DOCK3: variants seen among roughly 807,000 people sequenced by gnomAD.
DOCK3 encodes the protein dedicator of cytokinesis 3.
Under a neutral mutation model 265.6 loss-of-function variants are expected in DOCK3, and 60 were observed. That is an observed-to-expected ratio of 0.23 (90% CI 0.18 to 0.28). DOCK3 has a LOEUF of 0.28. DOCK3 is among the 10% of genes least tolerant of loss of function. The probability of loss-of-function intolerance (pLI) is 1.00; values close to 1 mark genes in which losing one functional copy is unlikely to be tolerated. For synonymous variants in DOCK3, 881 were observed against 938.0 expected (o/e 0.94, Z 1.11); for missense variants, 1,981 against 2,594.3 (o/e 0.76, Z 5.14).
chr3:51,344,651 G>A (rs1287161813), intron 38 of DOCK3, among the ~76,000 whole-genome samples: 2 of 152,172 alleles, frequency 1.3e-5, no homozygotes, highest in Non-Finnish European at 2.9e-5. Flanking sequence ...TGCAGGAGCT[G>A]GTAGAAGTGA....
intron 12 of DOCK3, among the ~76,000 whole-genome samples, chr3:51,169,005 T>C (rs2086544159): frequency 6.6e-6 from 1 of 151,388 alleles, no homozygotes; most frequent in East Asian, 1.9e-4. Context: ...TCACTGATCA[T>C]TAGAGAAATG....
At chr3:50,864,782 A>G (rs77031559) in intron 3 of DOCK3, among the ~76,000 whole-genome samples, 5,825 of 151,982 alleles carry the variant, frequency 0.038, 155 homozygotes, top group Non-Finnish European at 0.06. Context: ...TGAGTTCTCT[A>G]TTCTGTTCTA....
chr3:51,209,502 T>C (rs1209957130), intron 13 of DOCK3, among the ~76,000 whole-genome samples: 1 of 152,236 alleles, frequency 6.6e-6, no homozygotes, highest in African/African-American at 2.4e-5. Flanking sequence ...AGAAGCATTA[T>C]TTAAAAGCCT....
At chr3:50,844,559 C>A (rs925708583) in intron 3 of DOCK3, among the ~76,000 whole-genome samples, 1 of 152,064 alleles carries the variant, frequency 6.6e-6, no homozygotes, top group Non-Finnish European at 1.5e-5. Context: ...AACAGTTCTT[C>A]CTATAAAAGT....
At chr3:51,298,660 G>A (rs1158817132) in intron 27 of DOCK3, among the ~76,000 whole-genome samples, 3 of 152,160 alleles carry the variant, frequency 2.0e-5, no homozygotes, top group African/African-American at 7.2e-5. Flanking sequence ...AGAACATACA[G>A]TATTTGGTTT....
At chr3:51,165,541 T>C (rs888082744) in intron 12 of DOCK3, among the ~76,000 whole-genome samples, 3 of 152,244 alleles carry the variant, frequency 2.0e-5, no homozygotes, top group East Asian at 1.9e-4. Context: ...CCAGAAGTTA[T>C]TTATCTTACA....
intron 2 of DOCK3, among the ~76,000 whole-genome samples, chr3:50,815,954 T>G (rs529358481): frequency 2.0e-5 from 3 of 152,196 alleles, no homozygotes; most frequent in African/African-American, 7.2e-5. Flanking sequence ...TACTTTTTTG[T>G]AAGGGTTAAA....
intron 1 of DOCK3, among the ~76,000 whole-genome samples, chr3:50,697,854 A>G (rs1443809406): frequency 6.6e-6 from 1 of 151,958 alleles, no homozygotes; most frequent in Non-Finnish European, 1.5e-5. Context: ...TTGTTGTGAT[A>G]ATTGATTATA....
At chr3:51,018,079 A>T (rs1304732948) in intron 5 of DOCK3, among the ~76,000 whole-genome samples, 1 of 151,178 alleles carries the variant, frequency 6.6e-6, no homozygotes, top group Non-Finnish European at 1.5e-5. Flanking sequence ...TTGAGTAGAG[A>T]TGGGGTTTCA....
chr3:51,101,380 A>C (rs1211686016), intron 9 of DOCK3, among the ~76,000 whole-genome samples: 1 of 151,542 alleles, frequency 6.6e-6, no homozygotes, highest in Non-Finnish European at 1.5e-5. Flanking sequence ...TCGGCCTCCC[A>C]AAGTTCTGGG....
intron 5 of DOCK3, among the ~76,000 whole-genome samples, chr3:51,044,383 A>C (rs2080671741): frequency 6.6e-6 from 1 of 152,172 alleles, no homozygotes; most frequent in Non-Finnish European, 1.5e-5. Context: ...AAATGATGAG[A>C]GCACATGGAC....
At chr3:50,747,959 T>C (rs2039559461) in intron 1 of DOCK3, among the ~76,000 whole-genome samples, 1 of 152,362 alleles carries the variant, frequency 6.6e-6, no homozygotes, top group East Asian at 1.9e-4. Flanking sequence ...TCTTGTAATG[T>C]ATGACACTGC....
rs527281119 is a variant in DOCK3, at chr3:50,906,731, G to A, written c.218+16650G>A. 3.6e-4 allele frequency among the ~76,000 whole-genome samples: 55 copies of A among 151,968 alleles called. 1 individual carries two copies. The highest frequency in any genetic ancestry group is 6.9e-4 in the Non-Finnish European group (47 of 67,964). ...TCCTGGCTTCATTGATTTTTTTGAA[G>A]GGTTTTTTTGTATCTCTATCTCCTT... On this transcript the variant is annotated intron_variant, in intron 4 of 52. Coordinates refer to ENST00000266037, the MANE Select transcript of DOCK3 (RefSeq NM_004947.5).
intron 12 of DOCK3, among the ~76,000 whole-genome samples, chr3:51,206,271 T>C (rs939957194): frequency 6.6e-6 from 1 of 152,246 alleles, no homozygotes; most frequent in African/African-American, 2.4e-5. Context: ...TTGGCAATTA[T>C]TCCATTTATT....
intron 22 of DOCK3, among the ~76,000 whole-genome samples, chr3:51,252,559 C>T (rs1002584389): frequency 1.3e-5 from 2 of 152,172 alleles, no homozygotes; most frequent in Admixed American, 6.5e-5. Context: ...TTGTAGTTCT[C>T]CTTGAAGAGG....
chr3:50,703,623 T>C (rs1159663250), intron 1 of DOCK3, among the ~76,000 whole-genome samples: 3 of 152,188 alleles, frequency 2.0e-5, no homozygotes, highest in Non-Finnish European at 2.9e-5. Flanking sequence ...CATATAGTTG[T>C]TCATAAGAGT....
intron 22 of DOCK3, among the ~76,000 whole-genome samples, chr3:51,259,805 A>G (rs988802587): frequency 6.6e-6 from 1 of 152,034 alleles, no homozygotes; most frequent in African/African-American, 2.4e-5. Flanking sequence ...TGACCCTTTT[A>G]TTTCCAGACC....
At chr3:51,109,778 C>G (rs1382392077) in intron 9 of DOCK3, among the ~76,000 whole-genome samples, 1 of 151,602 alleles carries the variant, frequency 6.6e-6, no homozygotes, top group Non-Finnish European at 1.5e-5. Flanking sequence ...ACAAAAAATA[C>G]TAAAATTAGC....
At chr3:50,786,769 C>G (rs1264084008) in intron 2 of DOCK3, 1 of 738,980 alleles carries the variant, frequency 1.4e-6, no homozygotes, top group African/African-American at 1.7e-5. Context: ...CCTTGCCACA[C>G]CACTGGCACA....
Sources: gnomAD v4.1 joint callset for allele counts (sites outside exome capture counted in the v4.1 genomes callset) on GRCh38, gnomAD v4.1.1 for gene constraint, MANE v1.5 for transcripts, NCBI Gene and HGNC (gene_info 2026-07-23, HGNC 2026-07-21) for gene names.